Variants in AMOTL1 observed in about 807,000 individuals in gnomAD.
AMOTL1 encodes angiomotin-like protein 1.
AMOTL1 carries 45 observed loss-of-function variants against 102.9 expected under a neutral mutation model. The observed-to-expected ratio is 0.44, with a 90% confidence interval of 0.34 to 0.56. The LOEUF (loss-of-function observed/expected upper bound fraction) is 0.56, where lower values mean the gene tolerates loss of function less well. Ranked by LOEUF, AMOTL1 falls within the 20% of genes least tolerant of loss-of-function variation. AMOTL1 has a pLI of 0.01. For missense variants in AMOTL1, 1,114 were observed against 1,225.6 expected, an observed-to-expected ratio of 0.91 and a Z score of 1.36; for synonymous variants, 481 against 484.7, an observed-to-expected ratio of 0.99 and a Z score of 0.10.
intron 8 of AMOTL1, 54 bp downstream of exon 8, chr11:94,854,136 C>A: frequency 6.8e-7 from 1 of 1,466,830 alleles, no homozygotes; most frequent in Non-Finnish European, 9.1e-7. Context: ...ACTCAGCAAA[C>A]GTATGGATGT....
intron 1 of AMOTL1, among the ~76,000 whole-genome samples, chr11:94,790,248 A>G (rs1429155969): frequency 4.6e-5 from 7 of 152,218 alleles, no homozygotes; most frequent in African/African-American, 7.2e-5. Context: ...ATGCTTGCAG[A>G]AATTAGCAAG....
intron 3 of AMOTL1, among the ~76,000 whole-genome samples, chr11:94,820,886 T>C (rs1951852753): frequency 6.6e-6 from 1 of 152,184 alleles, no homozygotes. Flanking sequence ...TGACAGAAGA[T>C]AGAGCTTAGG....
At chr11:94,754,845 T>C (rs1950701846) in intron 3 of AMOTL1, among the ~76,000 whole-genome samples, 1 of 152,242 alleles carries the variant, frequency 6.6e-6, no homozygotes, top group African/African-American at 2.4e-5. Context: ...TCCACTACAA[T>C]ATTTTGGACA....
Position 94,875,709 on chromosome 11 carries a change from A to G in AMOTL1, c.*4914A>G, listed in dbSNP as rs1267778454. The G allele has an allele frequency of 6.6e-6, 1 of 152,198 alleles. No homozygotes were observed. The highest frequency in any genetic ancestry group is 1.5e-5 in the Non-Finnish European group (1 of 68,026). The allele number at this position is 152,198 out of a possible 1,614,324, so 9.4% of individuals were successfully genotyped here. A position where few individuals can be genotyped will look rare whatever the true frequency, so the allele number is the denominator to read the frequency against. ...GATGAAAAAAGATGGCAATTAAGGTAAGTTACACCATTTTTGTTTCTAAAA... is the reference window on the plus strand; with the variant it reads ...GATGAAAAAAGATGGCAATTAAGGTGAGTTACACCATTTTTGTTTCTAAAA... On this transcript the variant is annotated 3_prime_UTR_variant, in exon 13 of 13. Coordinates refer to ENST00000433060, the MANE Select transcript of AMOTL1 (RefSeq NM_130847.3).
rs775090704 is a variant in AMOTL1 at position 94,799,471 on chromosome 11, C to T, written c.281C>T (p.Ala94Val). ...GAAATGAGAGGTTCCGAGGATGCGG[C>T]AGCTGGAACAGTATTGCAGCGGCTG... Reference protein sequence around the residue: ...EVEMRGSEDAAAGTVLQRLIQ... With the variant: ...EVEMRGSEDAVAGTVLQRLIQ... Residue 94 changes from alanine to valine, a missense_variant, in exon 3 of 13, where the codon GCA (alanine) becomes GTA (valine). By Grantham distance (64) the Ala-to-Val change is moderately conservative. Transcript: ENST00000433060. The surrounding 1 kb of genome is among the most constrained non-coding windows in gnomAD (Gnocchi z 4.5). 3 of 1,610,370 alleles carry T rather than the reference C, an allele frequency of 1.9e-6. No homozygotes were observed. Among genetic ancestry groups the T allele is most frequent in the African/African-American group, 1.3e-5 (1 of 74,824 alleles).
intron 3 of AMOTL1, chr11:94,820,479 C>T (rs1951844377): frequency 6.6e-6 from 1 of 152,306 alleles, no homozygotes; most frequent in Non-Finnish European, 1.5e-5. Flanking sequence ...TGTGCCAGTG[C>T]TAATTCCTAC....
intron 9 of AMOTL1, among the ~76,000 whole-genome samples, chr11:94,859,926 CA>C (rs1014192867): frequency 3.9e-4 from 59 of 152,036 alleles, no homozygotes; most frequent in African/African-American, 1.3e-3. Flanking sequence ...TTTGAGTCCA[CA>C]ATTCAAGTTC....
intron 1 of AMOTL1, 81 bp from the exon 2 acceptor site, chr11:94,794,930 C>T (rs1951338412): frequency 1.4e-6 from 2 of 1,434,646 alleles, no homozygotes; most frequent in African/African-American, 2.9e-5. Flanking sequence ...TGGGAGAATG[C>T]CTGGTGGGTT....
chr11:94,730,275 C>T (rs1318070492), intron 2 of AMOTL1, among the ~76,000 whole-genome samples: 1 of 152,194 alleles, frequency 6.6e-6, no homozygotes, highest in African/African-American at 2.4e-5. Context: ...CTCACTGTAT[C>T]AGCCTCTTCC....
chr11:94,711,005 C>T (rs1384538779), intron 1 of AMOTL1, among the ~76,000 whole-genome samples: 1 of 152,110 alleles, frequency 6.6e-6, no homozygotes, highest in Non-Finnish European at 1.5e-5. Context: ...ATCCAAAGCC[C>T]AAGGTACTCC....
intron 7 of AMOTL1, 39 bp from the exon 8 acceptor site, chr11:94,853,894 G>A (rs535580440): frequency 2.4e-5 from 38 of 1,589,888 alleles, no homozygotes; most frequent in Non-Finnish European, 3.1e-5. Context: ...AGAATCAGTG[G>A]TCTAAATTCT....
At chr11:94,798,527 G>A (rs894529945) in intron 2 of AMOTL1, among the ~76,000 whole-genome samples, 1 of 152,132 alleles carries the variant, frequency 6.6e-6, no homozygotes, top group African/African-American at 2.4e-5. Flanking sequence ...TATTTTGGGC[G>A]AGGAAGACAT....
intron 3 of AMOTL1, among the ~76,000 whole-genome samples, chr11:94,809,231 A>C (rs754314828): frequency 1.3e-5 from 2 of 152,046 alleles, no homozygotes; most frequent in Non-Finnish European, 2.9e-5. Flanking sequence ...TCGGCCTCCC[A>C]AAGTGTTGGG....
intron 3 of AMOTL1, among the ~76,000 whole-genome samples, chr11:94,815,719 G>A (rs572724147): frequency 1.5e-3 from 224 of 152,052 alleles, no homozygotes; most frequent in African/African-American, 5.2e-3. Flanking sequence ...GTATATAAAA[G>A]CATTGTAAAG....
At chr11:94,862,151 A>C (rs763248727) in intron 9 of AMOTL1, among the ~76,000 whole-genome samples, 3 of 152,134 alleles carry the variant, frequency 2.0e-5, no homozygotes, top group East Asian at 1.9e-4. Context: ...TTTATTGAGC[A>C]TCTAATAATT....
intron 3 of AMOTL1, chr11:94,741,074 C>T (rs1950517927): frequency 9.0e-7 from 1 of 1,111,040 alleles, no homozygotes; most frequent in Non-Finnish European, 1.2e-6. Flanking sequence ...AGGAACTCAG[C>T]TAGGGATGGG....
chr11:94,757,605 C>T (rs1329207079), intron 3 of AMOTL1, among the ~76,000 whole-genome samples: 1 of 152,142 alleles, frequency 6.6e-6, no homozygotes, highest in Non-Finnish European at 1.5e-5. Context: ...AAGGGAACAG[C>T]TTAGTAGCAA....
At chr11:94,804,252 T>C (rs1951530621) in intron 3 of AMOTL1, among the ~76,000 whole-genome samples, 1 of 152,224 alleles carries the variant, frequency 6.6e-6, no homozygotes, top group African/African-American at 2.4e-5. Flanking sequence ...AGTTATTACA[T>C]CATTATAATT....
chr11:94,720,551 C>A (rs775021634), intron 1 of AMOTL1, among the ~76,000 whole-genome samples: 7 of 152,094 alleles, frequency 4.6e-5, no homozygotes, highest in Admixed American at 2.6e-4. Context: ...AGCCACATAC[C>A]TCCCTCACCT....
Sources: gnomAD v4.1 joint callset for allele counts (sites outside exome capture counted in the v4.1 genomes callset) on GRCh38, gnomAD v4.1.1 for gene constraint, Gnocchi (gnomAD v3.1) non-coding constraint, MANE v1.5 for transcripts, NCBI Gene and HGNC (gene_info 2026-07-23, HGNC 2026-07-21) for gene names.